Variants in LMTK2 observed in about 807,000 individuals in gnomAD.
The protein encoded by LMTK2 is serine/threonine-protein kinase LMTK2.
In LMTK2, 37 loss-of-function variants were observed where a neutral mutation model predicts 127.5. The ratio of observed to expected loss-of-function variants is 0.29; its 90% confidence interval spans 0.22 to 0.38. The LOEUF is 0.38. Ranked by LOEUF, LMTK2 falls within the 10% of genes least tolerant of loss-of-function variation. The pLI is 1.00. For synonymous variants in LMTK2, 819 were observed against 810.1 expected (o/e 1.01, Z -0.19); for missense variants, 1,694 against 1,920.3 (o/e 0.88, Z 2.20).
At position 98,193,058 on chromosome 7, in the gene LMTK2, GT is replaced by G; in HGVS notation, c.2594del (p.Val865AlafsTer48). 6.2e-7 allele frequency: 1 copy of G among 1,613,928 alleles called. No individual in the cohort carries two copies. The highest frequency in any genetic ancestry group is 8.5e-7 in the Non-Finnish European group (1 of 1,180,022). On this transcript the variant is annotated frameshift_variant, in exon 11 of 14. Transcript: ENST00000297293. LOFTEE classifies it high-confidence loss of function. This position sits in a 1 kb window ranked among gnomAD's most constrained non-coding sequence, Gnocchi z 4.1. ...GGACATCAGTCCAGACGCTGTGACTGTCCCGGTTGAAATTCTCTCAACTGAT... is the reference window on the plus strand; with the variant it reads ...GGACATCAGTCCAGACGCTGTGACTGCCCGGTTGAAATTCTCTCAACTGAT... ...HQDISPDAVTVPVEILSTDAR... is the reference protein window; with the variant it reads ...HQDISPDAVTXPVEILSTDAR...
At chr7:98,110,601 C>G (rs767051304) in intron 1 of LMTK2, among the ~76,000 whole-genome samples, 6 of 152,214 alleles carry the variant, frequency 3.9e-5, no homozygotes, top group Non-Finnish European at 7.4e-5. Flanking sequence ...TCTTAGAAAA[C>G]ATGGATGCGC....
intron 8 of LMTK2, among the ~76,000 whole-genome samples, chr7:98,186,316 C>T (rs1486093263): frequency 2.0e-5 from 3 of 152,178 alleles, no homozygotes; most frequent in African/African-American, 7.2e-5. Context: ...CCACCTCAGC[C>T]TTCCAAAGTG....
At chr7:98,112,241 A>G (rs1382636742) in intron 1 of LMTK2, among the ~76,000 whole-genome samples, 2 of 152,116 alleles carry the variant, frequency 1.3e-5, no homozygotes, top group African/African-American at 4.8e-5. Flanking sequence ...TCTGCTGCCC[A>G]GGCTAGAGTG....
chr7:98,172,379 ACTGCAAG>A (rs1447077550), intron 7 of LMTK2, among the ~76,000 whole-genome samples: 1 of 142,664 alleles, frequency 7.0e-6, no homozygotes, highest in Non-Finnish European at 1.5e-5. Flanking sequence ...TTCTCGGCTC[ACTGCAAG>A]CTCCACCTCC....
At position 98,205,576 on chromosome 7, in the gene LMTK2, A is replaced by T; in HGVS notation, c.*84A>T. The T allele has an allele frequency of 7.1e-7, 1 of 1,399,198 alleles. No homozygotes were observed. Among genetic ancestry groups the T allele is most frequent in the South Asian group, 1.2e-5 (1 of 85,082 alleles). The allele number at this position is 1,399,198 out of a possible 1,614,324, so 86.7% of individuals were successfully genotyped here. On this transcript the variant is annotated 3_prime_UTR_variant, in exon 14 of 14. Transcript: ENST00000297293. ...GCCCTCAGCCCGAGCAGCGACATCC[A>T]CTCGCCATTTGCTGACATGAGATTG...
intron 6 of LMTK2, among the ~76,000 whole-genome samples, chr7:98,170,445 G>A (rs1176026861): frequency 6.6e-6 from 1 of 152,154 alleles, no homozygotes. Flanking sequence ...TTTATTCTGG[G>A]AGGTATTTGA....
In LMTK2 at chr7:98,107,273, AG is replaced by A. The variant is rs1479612437; in HGVS notation, c.98del (p.Gly33ValfsTer16). 1 of 1,379,658 alleles carries A rather than the reference AG, an allele frequency of 7.2e-7. No individual in the cohort carries two copies. Among genetic ancestry groups the A allele is most frequent in the South Asian group, 1.6e-5 (1 of 63,856 alleles). 85.5% of individuals were successfully genotyped at this position (1,379,658 alleles called of 1,614,324 possible). On this transcript the variant is annotated frameshift_variant, in exon 1 of 14. Transcript: ENST00000297293. LOFTEE classifies it high-confidence loss of function. Reference sequence around the variant, plus strand: ...CTGGGGCCGCGCCACTTCCGCAAACAGGTGCAGGTGAGCGGGCCCGCGGCGG... The same window carrying A: ...CTGGGGCCGCGCCACTTCCGCAAACAGTGCAGGTGAGCGGGCCCGCGGCGG... ...SAGAAPLPQT[G>X]AGEAPPAAEV...
At chr7:98,163,482 G>A (rs539483797) in intron 6 of LMTK2, among the ~76,000 whole-genome samples, 1 of 152,256 alleles carries the variant, frequency 6.6e-6, no homozygotes, top group African/African-American at 2.4e-5. Context: ...GCAGTGGGAG[G>A]TCACATTGTT....
At chr7:98,124,461 C>A (rs116432249) in intron 1 of LMTK2, among the ~76,000 whole-genome samples, 2,175 of 152,124 alleles carry the variant, frequency 0.014, 52 homozygotes, top group African/African-American at 0.05. Context: ...CAAGCCCGGG[C>A]AACATGGTGA....
intron 2 of LMTK2, among the ~76,000 whole-genome samples, chr7:98,140,197 T>TTTGTTTCTTTC (rs1554386965): frequency 1.3e-4 from 1 of 7,890 alleles, no homozygotes; most frequent in African/African-American, 4.4e-4. Context: ...TCTTTCTGTC[T>TTTGTTTCTTTC]TTGAGATGGT....
intron 7 of LMTK2, among the ~76,000 whole-genome samples, chr7:98,176,523 G>T (rs1190971326): frequency 6.7e-6 from 1 of 148,684 alleles, no homozygotes; most frequent in Non-Finnish European, 1.5e-5. Context: ...AAAATAATAG[G>T]CCCAAGAAAT....
At chr7:98,203,313 C>G (rs1797735138) in intron 11 of LMTK2, among the ~76,000 whole-genome samples, 1 of 152,240 alleles carries the variant, frequency 6.6e-6, no homozygotes, top group Admixed American at 6.5e-5. Context: ...AGCACTGCCG[C>G]TCGTGCCCGC....
At chr7:98,109,059 T>C (rs1345635599) in intron 1 of LMTK2, among the ~76,000 whole-genome samples, 2 of 151,930 alleles carry the variant, frequency 1.3e-5, no homozygotes, top group Non-Finnish European at 1.5e-5. Flanking sequence ...ACGGGTTTCA[T>C]CATCTTGGCC....
At position 98,193,035 on chromosome 7, in the gene LMTK2, A is replaced by G. The variant is rs761878520; in HGVS notation, c.2570A>G (p.Asp857Gly). ...GTCCCGGAGGACTGTCTCCACCAGG[A>G]CATCAGTCCAGACGCTGTGACTGTC... ...VIVPEDCLHQ[D>G]ISPDAVTVPV... is the part of the protein sequence containing the mutation. The change falls in exon 11 of 14, where the codon GAC becomes GGC. Residue 857 changes from aspartate (D) to glycine (G), a missense_variant. By Grantham distance (94) the Asp-to-Gly change is moderately conservative (BLOSUM62 -1). Around this residue, in one of 8 missense-constraint regions of LMTK2, gnomAD observed 527 missense variants for 539.8 expected, o/e 0.98. Transcript: ENST00000297293. The surrounding 1 kb of genome is among the most constrained non-coding windows in gnomAD (Gnocchi z 4.1). 6.2e-7 allele frequency: 1 copy of G among 1,613,956 alleles called. No individual in the cohort carries two copies. The highest frequency in any genetic ancestry group is 1.7e-5 in the Admixed American group (1 of 60,016).
At position 98,204,058 on chromosome 7, in the gene LMTK2, C is replaced by T. The variant is rs368696715; in HGVS notation, c.4355C>T (p.Pro1452Leu). The T allele has an allele frequency of 9.3e-6, 15 of 1,614,016 alleles. No homozygotes were observed. Among genetic ancestry groups the T allele is most frequent in the Admixed American group, 6.7e-5 (4 of 60,030 alleles). Residue 1452 changes from proline (P) to leucine (L), a missense_variant, in exon 13 of 14, where the codon CCG becomes CTG. Transcript: ENST00000297293. ...CAAACATCCAAGTACTTTTCTCCGCCGCCACCGGCCCGGAGCACGGAGCAG... is the reference window on the plus strand; with the variant it reads ...CAAACATCCAAGTACTTTTCTCCGCTGCCACCGGCCCGGAGCACGGAGCAG... ...SLQTSKYFSPPPPARSTEQSW... is the reference protein window; with the variant it reads ...SLQTSKYFSPLPPARSTEQSW...
intron 3 of LMTK2, among the ~76,000 whole-genome samples, chr7:98,143,677 G>A (rs1796729625): frequency 6.6e-6 from 1 of 152,214 alleles, no homozygotes; most frequent in African/African-American, 2.4e-5. Context: ...TAGGATTAGT[G>A]CAGCTATAAA....
chr7:98,164,385 C>G (rs532825493), intron 6 of LMTK2, among the ~76,000 whole-genome samples: 8 of 152,328 alleles, frequency 5.3e-5, no homozygotes, highest in Admixed American at 2.0e-4. Flanking sequence ...ATAAGCCCCG[C>G]CCCTGACTTG....
At chr7:98,155,402 A>G (rs1040635250) in intron 5 of LMTK2, among the ~76,000 whole-genome samples, 1 of 152,230 alleles carries the variant, frequency 6.6e-6, no homozygotes, top group Admixed American at 6.5e-5. Context: ...AGTTAGGCTA[A>G]AATTTTCTAC....
intron 3 of LMTK2, among the ~76,000 whole-genome samples, chr7:98,150,307 C>CAAA (rs35422809): frequency 1.7e-5 from 2 of 116,998 alleles, no homozygotes; most frequent in Non-Finnish European, 1.7e-5. Flanking sequence ...GACCCTGTCT[C>CAAA]AAAAAAAAAA....
Sources: allele counts gnomAD v4.1 joint callset (sites outside exome capture counted in the v4.1 genomes callset), GRCh38; gene constraint gnomAD v4.1.1; regional missense constraint gnomAD v4.1.1; non-coding constraint Gnocchi (gnomAD v3.1); transcripts MANE v1.5; gene names NCBI Gene and HGNC (gene_info 2026-07-23, HGNC 2026-07-21).